Variants in NSMCE4A observed in about 807,000 individuals in gnomAD.
NSMCE4A encodes non-structural maintenance of chromosomes element 4 homolog A.
A neutral mutation model predicts 47.9 loss-of-function variants in NSMCE4A; 40 were observed. The observed-to-expected ratio is 0.83, with a 90% CI of 0.65 to 1.09. NSMCE4A has a LOEUF of 1.09. NSMCE4A is among the 50% of genes least tolerant of loss of function. The pLI, the probability that NSMCE4A is intolerant of heterozygous loss-of-function variation, is 0.00. For missense variants in NSMCE4A, 500 were observed against 507.0 expected (o/e 0.99, Z 0.13); for synonymous variants, 166 against 178.5 (o/e 0.93, Z 0.56).
chr10:121,974,525 G>T, intron 1 of NSMCE4A: 2 of 1,009,020 alleles, frequency 2.0e-6, no homozygotes, highest in Non-Finnish European at 2.4e-6. Context: ...CTGCGAGGCC[G>T]GGAGCCCACG....
At chr10:121,970,886 T>G in intron 3 of NSMCE4A, 53 bp downstream of exon 3, 1 of 1,459,258 alleles carries the variant, frequency 6.9e-7, no homozygotes, top group Non-Finnish European at 9.3e-7. Context: ...CAGTAAATAA[T>G]TATAATATAT....
At chr10:121,959,707 A>C (rs1004511243) in intron 8 of NSMCE4A, 112 bp from the exon 9 acceptor site, 1 of 684,924 alleles carries the variant, frequency 1.5e-6, no homozygotes, top group Non-Finnish European at 2.5e-6. Context: ...AAAGATACTT[A>C]TAATATTACA....
chr10:121,968,627 T>C (rs562698866), intron 3 of NSMCE4A, among the ~76,000 whole-genome samples: 23 of 152,336 alleles, frequency 1.5e-4, no homozygotes, highest in African/African-American at 4.8e-4. Context: ...AAATGTGTTA[T>C]ATTGAATTTA....
chr10:121,969,500 T>TTAAAAAAAAAAAAAAAAAAAAAAAAAAA (rs1952667268), intron 3 of NSMCE4A, among the ~76,000 whole-genome samples: 1 of 36,680 alleles, frequency 2.7e-5, no homozygotes. Flanking sequence ...TAAAAAAAAG[T>TTAAAAAAAAAAAAAAAAAAAAAAAAAAA]TAAAAAAAAA....
At position 121,970,936 on chromosome 10, in the gene NSMCE4A, T is replaced by C; in HGVS notation, c.501+3A>G. The C allele has an allele frequency of 6.2e-7, 1 of 1,605,634 alleles. No homozygotes were observed. The highest frequency in any genetic ancestry group is 8.5e-7 in the Non-Finnish European group (1 of 1,176,094). Reference sequence around the variant, plus strand: ...TATTCAGAGTCTGTAGCTTTGAACTTACTAGAGTTTCAACATATCTTAACA... The same window carrying C: ...TATTCAGAGTCTGTAGCTTTGAACTCACTAGAGTTTCAACATATCTTAACA... On this transcript the variant is annotated splice_donor_region_variant and intron_variant, in intron 3 of 10. Transcript: ENST00000369023.
At chr10:121,972,958 C>T (rs927701243) in intron 2 of NSMCE4A, among the ~76,000 whole-genome samples, 18 of 152,052 alleles carry the variant, frequency 1.2e-4, no homozygotes, top group African/African-American at 2.4e-4. Flanking sequence ...AGGAACCAGC[C>T]GGGGGCGGTG....
chr10:121,957,681 G>A (rs1389289477), intron 10 of NSMCE4A, among the ~76,000 whole-genome samples: 1 of 151,762 alleles, frequency 6.6e-6, no homozygotes, highest in Non-Finnish European at 1.5e-5. Context: ...TGGTCCGCCT[G>A]CCTCGCCCTC....
intron 4 of NSMCE4A, chr10:121,966,013 T>TGCACAC (rs1952600262): frequency 6.6e-6 from 1 of 152,244 alleles, no homozygotes; most frequent in South Asian, 2.1e-4. Context: ...AGCTGCATTA[T>TGCACAC]GCACACAGAT....
intron 4 of NSMCE4A, 80 bp downstream of exon 4, chr10:121,967,575 A>G: frequency 6.9e-7 from 1 of 1,448,212 alleles, no homozygotes; most frequent in Non-Finnish European, 9.4e-7. Flanking sequence ...CTACAATACC[A>G]AATAATCTTT....
chr10:121,972,337 C>T (rs1022311656), intron 2 of NSMCE4A, among the ~76,000 whole-genome samples: 1 of 114,182 alleles, frequency 8.8e-6, no homozygotes, highest in African/African-American at 2.7e-5. Context: ...ATTTTTCATA[C>T]TCTCTGTTGC....
Position 121,973,996 on chromosome 10 carries a change from C to G in NSMCE4A, c.370+8G>C, listed in dbSNP as rs10887034. 230,148 of 1,559,380 alleles carry G rather than the reference C, an allele frequency of 0.15. 18,057 individuals carry two copies. Among genetic ancestry groups the G allele is most frequent in the Middle Eastern group, 0.18 (984 of 5,566 alleles). ...AAACACGAAATAACATATAAAATAACAAATTACCTTCATTAAACAGAGTGT... is the reference window on the plus strand; with the variant it reads ...AAACACGAAATAACATATAAAATAAGAAATTACCTTCATTAAACAGAGTGT... On this transcript the variant is annotated splice_region_variant and intron_variant, in intron 2 of 10. Transcript: ENST00000369023.
intron 5 of NSMCE4A, among the ~76,000 whole-genome samples, chr10:121,964,649 C>G (rs1450775629): frequency 6.6e-6 from 1 of 150,962 alleles, no homozygotes; most frequent in Non-Finnish European, 1.5e-5. Context: ...CCCGTATTGG[C>G]CGGGCTGGTC....
chr10:121,957,272 A>G lies in NSMCE4A; in HGVS notation c.*13-13T>C, dbSNP rs992128528. On this transcript the variant is annotated splice_polypyrimidine_tract_variant and intron_variant, in intron 10 of 10. Coordinates refer to ENST00000369023, the MANE Select transcript of NSMCE4A (RefSeq NM_017615.3). ...ATCCATTTGAGTCCTAAAAAGGGGA[A>G]GAATAGCTGGTTAACAGTTTATAAA... The G allele has an allele frequency of 2.0e-5, 3 of 152,618 alleles. No individual in the cohort carries two copies. Among genetic ancestry groups the G allele is most frequent in the Non-Finnish European group, 2.9e-5 (2 of 68,036 alleles). The allele number at this position is 152,618 out of a possible 1,614,324, so 9.5% of individuals were successfully genotyped here. A position where few individuals can be genotyped will look rare whatever the true frequency, so the allele number is the denominator to read the frequency against.
intron 5 of NSMCE4A, among the ~76,000 whole-genome samples, chr10:121,964,106 A>G (rs1224840108): frequency 6.8e-6 from 1 of 146,720 alleles, no homozygotes; most frequent in Non-Finnish European, 1.5e-5. Context: ...AAAAAAAATT[A>G]TGGTTTAAAA....
intron 1 of NSMCE4A, 98 bp downstream of exon 1, chr10:121,974,776 C>G (rs1311983050): frequency 8.4e-7 from 1 of 1,189,224 alleles, no homozygotes; most frequent in Non-Finnish European, 1.0e-6. Flanking sequence ...CGCCGGGCCT[C>G]CGCCCGGCAC....
chr10:121,974,202 C>T, intron 1 of NSMCE4A, 121 bp from the exon 2 acceptor site: 2 of 1,361,946 alleles, frequency 1.5e-6, no homozygotes, highest in Non-Finnish European at 2.0e-6. Flanking sequence ...GTAATTACTT[C>T]GAACATCTTT....
intron 5 of NSMCE4A, 70 bp downstream of exon 5, chr10:121,965,216 G>A (rs1952584398): frequency 1.8e-6 from 2 of 1,111,412 alleles, no homozygotes; most frequent in African/African-American, 3.1e-5. Flanking sequence ...TGGCCAAATT[G>A]CATGCACATT....
In NSMCE4A at chr10:121,959,774, T is replaced by G. The variant is rs962879760; in HGVS notation, c.989-179A>C. 8.4e-6 allele frequency: 5 copies of G among 596,480 alleles called. No individual in the cohort carries two copies. In the African/African-American group the frequency reaches 9.3e-5, roughly 11 times the overall value. The allele number at this position is 596,480 out of a possible 1,614,324, so 36.9% of individuals were successfully genotyped here. A position where few individuals can be genotyped will look rare whatever the true frequency, so the allele number is the denominator to read the frequency against. The stretch of plus-strand genomic sequence containing the variant: ...GCTGTAGTATTATTACAGTAGCCAG[T>G]CATTCCATCTGTTTCCATTTCAAAA... On this transcript the variant is annotated intron_variant, in intron 8 of 10. Coordinates refer to ENST00000369023, the MANE Select transcript of NSMCE4A (RefSeq NM_017615.3).
At chr10:121,972,806 G>A (rs769361676) in intron 2 of NSMCE4A, among the ~76,000 whole-genome samples, 5 of 152,110 alleles carry the variant, frequency 3.3e-5, no homozygotes, top group East Asian at 1.9e-4. Context: ...TAGCAAATGC[G>A]GTAGACTAAG....
Sources: gnomAD v4.1 joint callset for allele counts (sites outside exome capture counted in the v4.1 genomes callset) on GRCh38, gnomAD v4.1.1 for gene constraint, MANE v1.5 for transcripts, NCBI Gene and HGNC (gene_info 2026-07-23, HGNC 2026-07-21) for gene names.